Variants in ZC3H12A observed in about 807,000 individuals in gnomAD.
ZC3H12A encodes endoribonuclease ZC3H12A.
Under a neutral mutation model 29.9 loss-of-function variants are expected in ZC3H12A, and 9 were observed. That is an observed-to-expected ratio of 0.30 (90% CI 0.18 to 0.53). The LOEUF is 0.53. Among genes scored for constraint, ZC3H12A ranks in the 20% least tolerant of loss-of-function variants. The pLI is 0.96. For missense variants in ZC3H12A, 617 were observed against 799.0 expected (o/e 0.77, Z 2.75); for synonymous variants, 323 against 338.1 (o/e 0.96, Z 0.49).
In ZC3H12A at chr1:37,480,377, G is replaced by A. The variant is rs1213784534; in HGVS notation, c.531G>A (p.Val177=). The stretch of plus-strand genomic sequence containing the variant: ...AGCGGGGCCACACAGACATCACAGT[G>A]TTTGTGCCATCCTGGAGGAAGGAGC... ...FLERGHTDIT[V]FVPSWRKEQP... The change falls in exon 3 of 6, where the codon GTG becomes GTA. Residue 177 remains valine, a synonymous_variant. Coordinates refer to ENST00000373087, the MANE Select transcript of ZC3H12A (RefSeq NM_025079.3). 1.2e-6 allele frequency: 2 copies of A among 1,613,980 alleles called. No homozygotes were observed. The highest frequency in any genetic ancestry group is 1.1e-5 in the South Asian group (1 of 91,088).
Position 37,475,095 on chromosome 1 carries a change from TC to T in ZC3H12A, c.-38-362del, listed in dbSNP as rs1641554886. 6.6e-6 allele frequency among the ~76,000 whole-genome samples: 1 copy of T among 152,134 alleles called. No individual in the cohort carries two copies. Among genetic ancestry groups the T allele is most frequent in the African/African-American group, 2.4e-5 (1 of 41,444 alleles). ...GAAGCCTTGGGCCCCGCAACGCACT[TC>T]CAGCCCCAGGATTCCATCTGAGAGC... is the stretch of plus-strand genomic sequence containing the variant. On this transcript the variant is annotated intron_variant, in intron 1 of 5. Coordinates refer to ENST00000373087, the MANE Select transcript of ZC3H12A (RefSeq NM_025079.3). This position sits in a 1 kb window ranked among gnomAD's most constrained non-coding sequence, Gnocchi z 5.2.
chr1:37,481,564 G>A (rs372931615), intron 3 of ZC3H12A, 37 bp from the exon 4 acceptor site: 32 of 1,605,644 alleles, frequency 2.0e-5, no homozygotes, highest in Admixed American at 1.5e-4. Context: ...TCTAGGTCCC[G>A]CTGGGCCCTG....
intron 2 of ZC3H12A, 166 bp from the exon 3 acceptor site, chr1:37,480,124 T>C: frequency 1.5e-6 from 2 of 1,344,142 alleles, no homozygotes; most frequent in Non-Finnish European, 1.9e-6. Flanking sequence ...GCCTGAGCCC[T>C]GGGGAAAGGG....
Position 37,479,106 on chromosome 1 carries a change from G to A in ZC3H12A, c.444-1184G>A, listed in dbSNP as rs1020941048. 35 of 985,234 alleles carry A rather than the reference G, an allele frequency of 3.6e-5. No homozygotes were observed. The highest frequency in any genetic ancestry group is 1.6e-4 in the African/African-American group (9 of 57,194). 61.0% of individuals were successfully genotyped at this position (985,234 alleles called of 1,614,324 possible). A position where few individuals can be genotyped will look rare whatever the true frequency, so the allele number is the denominator to read the frequency against. On this transcript the variant is annotated intron_variant, in intron 2 of 5. Transcript: ENST00000373087. This position sits in a 1 kb window ranked among gnomAD's most constrained non-coding sequence, Gnocchi z 4.5. ...TTGGCCCTGGACTTGCCTCTTTTGC[G>A]TAACATTTATTCTGTTTTATTTGCC...
At position 37,475,597 on chromosome 1, in the gene ZC3H12A, C is replaced by T. The variant is rs772598591; in HGVS notation, c.101C>T (p.Pro34Leu). ...DSHSRQGTPR[P>L]GQELAAEEAS... ...CACAGCCGTCAGGGCACCCCAAGGC[C>T]GGGTCAAGAGCTGGCCGCTGAGGAG... is the stretch of plus-strand genomic sequence containing the variant. Residue 34 changes from proline to leucine, a missense_variant, in exon 2 of 6, where the codon CCG becomes CTG. Coordinates refer to ENST00000373087, the MANE Select transcript of ZC3H12A (RefSeq NM_025079.3). This position sits in a 1 kb window ranked among gnomAD's most constrained non-coding sequence, Gnocchi z 5.2. The T allele has an allele frequency of 5.6e-6, 9 of 1,614,052 alleles. No individual in the cohort carries two copies. Among genetic ancestry groups the T allele is most frequent in the Non-Finnish European group, 7.6e-6 (9 of 1,180,042 alleles).
In ZC3H12A at chr1:37,480,362, C is replaced by T. The variant is rs1169047352; in HGVS notation, c.516C>T (p.His172=). The change falls in exon 3 of 6, where the codon CAC becomes CAT. Residue 172 remains histidine, a synonymous_variant. Coordinates refer to ENST00000373087, the MANE Select transcript of ZC3H12A (RefSeq NM_025079.3). ...TGAACTGGTTTCTGGAGCGGGGCCA[C>T]ACAGACATCACAGTGTTTGTGCCAT... ...LAVNWFLERG[H]TDITVFVPSW... The T allele has an allele frequency of 1.2e-6, 2 of 1,614,116 alleles. No individual in the cohort carries two copies. Among genetic ancestry groups the T allele is most frequent in the East Asian group, 4.5e-5 (2 of 44,880 alleles).
Position 37,483,726 on chromosome 1 carries a change from A to G in ZC3H12A, c.*115A>G, listed in dbSNP as rs1166149351. On this transcript the variant is annotated 3_prime_UTR_variant, in exon 6 of 6. Transcript: ENST00000373087. Reference sequence around the variant, plus strand: ...GAGGCCCACCCCAGAGGCTGGACAGAGGGAGGATTCAAGTCGGGAAGGAAA... The same window carrying G: ...GAGGCCCACCCCAGAGGCTGGACAGGGGGAGGATTCAAGTCGGGAAGGAAA... The G allele has an allele frequency of 1.5e-6, 2 of 1,347,516 alleles. No homozygotes were observed. The highest frequency in any genetic ancestry group is 2.0e-6 in the Non-Finnish European group (2 of 1,013,840). 83.5% of individuals were successfully genotyped at this position (1,347,516 alleles called of 1,614,324 possible).
At chr1:37,477,602 A>ATCT (rs1249183428) in intron 2 of ZC3H12A, among the ~76,000 whole-genome samples, 2 of 152,138 alleles carry the variant, frequency 1.3e-5, no homozygotes, top group East Asian at 3.9e-4. Flanking sequence ...GCCCAGGCAT[A>ATCT]TCTTTTCACC....
Position 37,479,666 on chromosome 1 carries a change from T to A in ZC3H12A, c.444-624T>A, listed in dbSNP as rs1282551915. ...GCGCTTTCTGTCCCATGCTGAAGGC[T>A]GGAGTCGCCAGCCCCTTCCCCTTTG... On this transcript the variant is annotated intron_variant, in intron 2 of 5. Coordinates refer to ENST00000373087, the MANE Select transcript of ZC3H12A (RefSeq NM_025079.3). The surrounding 1 kb of genome is among the most constrained non-coding windows in gnomAD (Gnocchi z 4.5). 1.0e-6 allele frequency: 1 copy of A among 985,294 alleles called. No homozygotes were observed. Among genetic ancestry groups the A allele is most frequent in the Non-Finnish European group, 1.2e-6 (1 of 829,932 alleles). 61.0% of individuals were successfully genotyped at this position (985,294 alleles called of 1,614,324 possible). A position where few individuals can be genotyped will look rare whatever the true frequency, so the allele number is the denominator to read the frequency against.
In ZC3H12A at chr1:37,475,929, G is replaced by A. The variant is rs775352353; in HGVS notation, c.433G>A (p.Val145Met). ...ACCAGTGGTCATCGATGGGAGCAAC[G>A]TGGCCATGAGGTAAGTGTCACTTCT... ...LRPVVIDGSN[V>M]AMSHGNKEVF... The change falls in exon 2 of 6, where the codon GTG becomes ATG. Residue 145 changes from valine (V) to methionine (M), a missense_variant. Coordinates refer to ENST00000373087, the MANE Select transcript of ZC3H12A (RefSeq NM_025079.3). The surrounding 1 kb of genome is among the most constrained non-coding windows in gnomAD (Gnocchi z 5.2). The A allele has an allele frequency of 1.2e-5, 18 of 1,509,712 alleles. No homozygotes were observed. The South Asian group carries it at 1.4e-4, about 12-fold the overall frequency. 93.5% of individuals were successfully genotyped at this position (1,509,712 alleles called of 1,614,324 possible).
In ZC3H12A at chr1:37,479,855, C is replaced by T; in HGVS notation, c.444-435C>T. The T allele has an allele frequency of 2.0e-6, 2 of 1,006,710 alleles. No homozygotes were observed. The highest frequency in any genetic ancestry group is 2.4e-6 in the Non-Finnish European group (2 of 841,918). 62.4% of individuals were successfully genotyped at this position (1,006,710 alleles called of 1,614,324 possible). On this transcript the variant is annotated intron_variant, in intron 2 of 5. Transcript: ENST00000373087. The surrounding 1 kb of genome is among the most constrained non-coding windows in gnomAD (Gnocchi z 4.5). Reference sequence around the variant, plus strand: ...CTCAGTGTGCATGTGTACATCTGTCCCTGTGGTCCCGGCAGCTCGCCGGGT... The same window carrying T: ...CTCAGTGTGCATGTGTACATCTGTCTCTGTGGTCCCGGCAGCTCGCCGGGT...
At chr1:37,482,223 C>A in intron 4 of ZC3H12A, 1 of 599,856 alleles carries the variant, frequency 1.7e-6, no homozygotes, top group African/African-American at 1.9e-5. Flanking sequence ...CTAAAGGTGC[C>A]CATGGGCTGT....
In ZC3H12A at chr1:37,479,782, C is replaced by A; in HGVS notation, c.444-508C>A. The A allele has an allele frequency of 3.0e-6, 3 of 985,440 alleles. No homozygotes were observed. Among genetic ancestry groups the A allele is most frequent in the Non-Finnish European group, 2.4e-6 (2 of 829,938 alleles). The allele number at this position is 985,440 out of a possible 1,614,324, so 61.0% of individuals were successfully genotyped here. A position where few individuals can be genotyped will look rare whatever the true frequency, so the allele number is the denominator to read the frequency against. ...TTCTCCTCGGTCAGCCCAGCCGGTG[C>A]TTCCCCCGCCCCCACCCACGCTGCA... On this transcript the variant is annotated intron_variant, in intron 2 of 5. Transcript: ENST00000373087. The surrounding 1 kb of genome is among the most constrained non-coding windows in gnomAD (Gnocchi z 4.5).
rs766203770 is a variant in ZC3H12A at position 37,483,495 on chromosome 1, G to T, written c.1684G>T (p.Gly562Cys). 4 of 1,613,888 alleles carry T rather than the reference G, an allele frequency of 2.5e-6. No homozygotes were observed. The highest frequency in any genetic ancestry group is 3.4e-6 in the Non-Finnish European group (4 of 1,179,944). Residue 562 changes from glycine to cysteine, a missense_variant, in exon 6 of 6, where the codon GGT (glycine) becomes TGT (cysteine). Gly to Cys is a radical substitution (Grantham distance 159). Around this residue, in one of 5 missense-constraint regions of ZC3H12A, gnomAD observed 172 missense variants for 203.1 expected, o/e 0.85. Transcript: ENST00000373087. ...EQASVYTKLC[G>C]VFPPHLVEAV... ...GGCCAGCGTGTATACTAAGCTGTGT[G>T]GTGTGTTTCCCCCGCACCTGGTGGA... is the stretch of plus-strand genomic sequence containing the variant.
rs1364487997 is a variant in ZC3H12A, at chr1:37,479,636, C to T, written c.444-654C>T. The T allele has an allele frequency of 1.0e-6, 1 of 985,452 alleles. No individual in the cohort carries two copies. Among genetic ancestry groups the T allele is most frequent in the East Asian group, 1.1e-4 (1 of 8,818 alleles). The allele number at this position is 985,452 out of a possible 1,614,324, so 61.0% of individuals were successfully genotyped here. Reference sequence around the variant, plus strand: ...AAAGGCTCCTGGGGAACTTGCTTCACTCCGGCGCTTTCTGTCCCATGCTGA... The same window carrying T: ...AAAGGCTCCTGGGGAACTTGCTTCATTCCGGCGCTTTCTGTCCCATGCTGA... On this transcript the variant is annotated intron_variant, in intron 2 of 5. Coordinates refer to ENST00000373087, the MANE Select transcript of ZC3H12A (RefSeq NM_025079.3). This position sits in a 1 kb window ranked among gnomAD's most constrained non-coding sequence, Gnocchi z 4.5.
At position 37,478,189 on chromosome 1, in the gene ZC3H12A, T is replaced by C. The variant is rs1641629893; in HGVS notation, c.444-2101T>C. On this transcript the variant is annotated intron_variant, in intron 2 of 5. Coordinates refer to ENST00000373087, the MANE Select transcript of ZC3H12A (RefSeq NM_025079.3). The surrounding 1 kb of genome is among the most constrained non-coding windows in gnomAD (Gnocchi z 5.2). The stretch of plus-strand genomic sequence containing the variant: ...GGGGGTGATGTGATGGGGGAAGCAC[T>C]GGGCATTGTGAAGACACAGACCAGG... Among the ~76,000 whole-genome samples, 1 of 152,160 alleles carries C rather than the reference T, an allele frequency of 6.6e-6. No individual in the cohort carries two copies. The highest frequency in any genetic ancestry group is 1.5e-5 in the Non-Finnish European group (1 of 68,020).
rs199814706 is a variant in ZC3H12A at position 37,475,526 on chromosome 1, C to T, written c.30C>T (p.Val10=). Reference sequence around the variant, plus strand: ...GTGGCCCCTGTGGAGAGAAGCCTGTCCTGGAAGCCAGCCCCACCATGAGTC... The same window carrying T: ...GTGGCCCCTGTGGAGAGAAGCCTGTTCTGGAAGCCAGCCCCACCATGAGTC... The part of the protein sequence containing the change: MSGPCGEKP[V]LEASPTMSLW... Residue 10 remains valine (V), a synonymous_variant, in exon 2 of 6, where the codon GTC becomes GTT. Coordinates refer to ENST00000373087, the MANE Select transcript of ZC3H12A (RefSeq NM_025079.3). This position sits in a 1 kb window ranked among gnomAD's most constrained non-coding sequence, Gnocchi z 5.2. The T allele has an allele frequency of 3.7e-6, 6 of 1,611,806 alleles. No individual in the cohort carries two copies. Among genetic ancestry groups the T allele is most frequent in the Non-Finnish European group, 5.1e-6 (6 of 1,179,138 alleles).
Position 37,482,731 on chromosome 1 carries a change from T to C in ZC3H12A, c.926-6T>C. On this transcript the variant is annotated splice_region_variant and splice_polypyrimidine_tract_variant and intron_variant, in intron 5 of 5. Coordinates refer to ENST00000373087, the MANE Select transcript of ZC3H12A (RefSeq NM_025079.3). Reference sequence around the variant, plus strand: ...TGCTTAGAGTCCCTCTTGATTCCTCTTCCAGGAAGGAAATGCACCTATGGG... The same window carrying C: ...TGCTTAGAGTCCCTCTTGATTCCTCCTCCAGGAAGGAAATGCACCTATGGG... 6.2e-7 allele frequency: 1 copy of C among 1,613,788 alleles called. No individual in the cohort carries two copies. The highest frequency in any genetic ancestry group is 8.5e-7 in the Non-Finnish European group (1 of 1,180,018).
intron 4 of ZC3H12A, 38 bp from the exon 5 acceptor site, chr1:37,482,396 G>A: frequency 1.9e-6 from 3 of 1,557,336 alleles, no homozygotes; most frequent in Non-Finnish European, 2.6e-6. Context: ...GTCCCTGCAT[G>A]GCTCCCACCT....
Sources: allele counts gnomAD v4.1 joint callset (sites outside exome capture counted in the v4.1 genomes callset), GRCh38; gene constraint gnomAD v4.1.1; regional missense constraint gnomAD v4.1.1; non-coding constraint Gnocchi (gnomAD v3.1); transcripts MANE v1.5; gene names NCBI Gene and HGNC (gene_info 2026-07-23, HGNC 2026-07-21).